MYO6: variants seen among roughly 807,000 people sequenced by gnomAD.
The protein encoded by MYO6 is myosin VI.
MYO6 carries 74 observed loss-of-function variants against 178.7 expected under a neutral mutation model. The observed-to-expected ratio is 0.41, with a 90% CI of 0.34 to 0.50. The LOEUF (loss-of-function observed/expected upper bound fraction) is 0.50. Ranked by LOEUF, MYO6 falls within the 20% of genes least tolerant of loss-of-function variation. The pLI is 0.09. For missense variants in MYO6, 1,330 were observed against 1,547.4 expected (o/e 0.86, Z 2.36); for synonymous variants, 477 against 504.6 (o/e 0.95, Z 0.73).
rs1403220260 is a variant in MYO6, at chr6:75,886,112, T to C, written c.2507+18T>C. ...AAACCTCGGTAAGATGAATAGTTCC[T>C]AAAAAGAACTCTACAAAACCTAGTT... On this transcript the variant is annotated intron_variant, in intron 24 of 34. Transcript: ENST00000369977. The C allele has an allele frequency of 6.5e-7, 1 of 1,531,496 alleles. No homozygotes were observed. Among genetic ancestry groups the C allele is most frequent in the Non-Finnish European group, 9.0e-7 (1 of 1,106,498 alleles). The allele number at this position is 1,531,496 out of a possible 1,614,324, so 94.9% of individuals were successfully genotyped here. A position where few individuals can be genotyped will look rare whatever the true frequency, so the allele number is the denominator to read the frequency against.
chr6:75,852,565 A>G lies in MYO6; in HGVS notation c.1079-2574A>G, dbSNP rs555129700. On this transcript the variant is annotated intron_variant, in intron 11 of 34. Coordinates refer to ENST00000369977, the MANE Select transcript of MYO6 (RefSeq NM_004999.4). ...TAATCTACTTCCTGTCTATAAATTT[A>G]TTCTGGACATTTCATATAAATGGAA... Among the ~76,000 whole-genome samples the G allele has an allele frequency of 1.1e-3, 175 of 152,278 alleles. 3 individuals are homozygous for G. The highest frequency in any genetic ancestry group is 1.2e-3 in the Non-Finnish European group (80 of 68,018).
intron 12 of MYO6, among the ~76,000 whole-genome samples, chr6:75,855,770 C>G (rs1329547152): frequency 6.6e-6 from 1 of 151,966 alleles, no homozygotes; most frequent in Non-Finnish European, 1.5e-5. Context: ...TAGATTGTAC[C>G]TGGATGTTTT....
At chr6:75,889,133 G>A (rs1251166858) in intron 25 of MYO6, among the ~76,000 whole-genome samples, 1 of 152,000 alleles carries the variant, frequency 6.6e-6, no homozygotes, top group African/African-American at 2.4e-5. Flanking sequence ...TGTAAACAAT[G>A]GCAATCTTGG....
At position 75,919,081 on chromosome 6, in the gene MYO6, T is replaced by G. The variant is rs1241538231; in HGVS notation, c.*4069T>G. On this transcript the variant is annotated 3_prime_UTR_variant, in exon 35 of 35. Coordinates refer to ENST00000369977, the MANE Select transcript of MYO6 (RefSeq NM_004999.4). ...TTGCAGGGAGCCGAGATGGCGCCATTGCACTCCATCCTGGGCAACAAGAGC... is the reference window on the plus strand; with the variant it reads ...TTGCAGGGAGCCGAGATGGCGCCATGGCACTCCATCCTGGGCAACAAGAGC... The G allele has an allele frequency of 6.6e-6, 1 of 152,114 alleles. No individual in the cohort carries two copies. Among genetic ancestry groups the G allele is most frequent in the Admixed American group, 6.6e-5 (1 of 15,264 alleles). The allele number at this position is 152,114 out of a possible 1,614,324, so 9.4% of individuals were successfully genotyped here. A position where few individuals can be genotyped will look rare whatever the true frequency, so the allele number is the denominator to read the frequency against.
chr6:75,758,972 C>T (rs1051480346), intron 1 of MYO6, among the ~76,000 whole-genome samples: 10 of 151,758 alleles, frequency 6.6e-5, no homozygotes, highest in Non-Finnish European at 8.8e-5. Flanking sequence ...CAGGTTCAAG[C>T]GATTCTAATG....
intron 19 of MYO6, 83 bp from the exon 20 acceptor site, chr6:75,873,124 C>A: frequency 9.5e-7 from 1 of 1,052,406 alleles, no homozygotes; most frequent in Non-Finnish European, 1.5e-6. Context: ...TGTTAATATG[C>A]TTTGAAAGTT....
chr6:75,913,809 GGTA>G (rs1236583747), intron 33 of MYO6, among the ~76,000 whole-genome samples: 1 of 152,084 alleles, frequency 6.6e-6, no homozygotes, highest in African/African-American at 2.4e-5. Context: ...GTTTGTTGCT[GGTA>G]GTGGTGGTGG....
Position 75,785,452 on chromosome 6 carries a change from T to A in MYO6, c.-47-32049T>A, listed in dbSNP as rs138280128. Reference sequence around the variant, plus strand: ...TGGATCCTAGTTTTTTGTTTTGTTTTGTTTTTTGGTCTTTTCTTTTCTTTT... The same window carrying A: ...TGGATCCTAGTTTTTTGTTTTGTTTAGTTTTTTGGTCTTTTCTTTTCTTTT... On this transcript the variant is annotated intron_variant, in intron 1 of 34. Transcript: ENST00000369977. Among the ~76,000 whole-genome samples, 105 of 150,214 alleles carry A rather than the reference T, an allele frequency of 7.0e-4. 1 individual carries two copies. Among genetic ancestry groups the A allele is most frequent in the African/African-American group, 2.5e-3 (100 of 40,298 alleles).
At chr6:75,803,423 G>A (rs1769686587) in intron 1 of MYO6, among the ~76,000 whole-genome samples, 1 of 152,032 alleles carries the variant, frequency 6.6e-6, no homozygotes, top group Non-Finnish European at 1.5e-5. Flanking sequence ...GTTATACTTG[G>A]AAGTCACTTT....
Position 75,916,131 on chromosome 6 carries a change from CTT to C in MYO6, c.*1121_*1122del, listed in dbSNP as rs1169183517. The C allele has an allele frequency of 6.6e-6, 1 of 152,036 alleles. No individual in the cohort carries two copies. The highest frequency in any genetic ancestry group is 1.9e-4 in the East Asian group (1 of 5,138). 9.4% of individuals were successfully genotyped at this position (152,036 alleles called of 1,614,324 possible). On this transcript the variant is annotated 3_prime_UTR_variant, in exon 35 of 35. Coordinates refer to ENST00000369977, the MANE Select transcript of MYO6 (RefSeq NM_004999.4). The stretch of plus-strand genomic sequence containing the variant: ...GCAGCTTTAAGCCTAATATTTATGA[CTT>C]TCACATTTGGAATTTAAAGACAAAA...
At position 75,899,712 on chromosome 6, in the gene MYO6, T is replaced by C. The variant is rs531484779; in HGVS notation, c.3176+1301T>C. Among the ~76,000 whole-genome samples the C allele has an allele frequency of 2.8e-4, 43 of 151,642 alleles. 1 individual carries two copies. Among genetic ancestry groups the C allele is most frequent in the Admixed American group, 1.8e-3 (28 of 15,232 alleles). On this transcript the variant is annotated intron_variant, in intron 30 of 34. Transcript: ENST00000369977. ...TGGCCACACATTATTCTTTTTTTTT[T>C]TTTTTCTTCTGGAACATTTTTTTAA...
At chr6:75,797,227 T>A (rs9360939) in intron 1 of MYO6, among the ~76,000 whole-genome samples, 19,832 of 152,154 alleles carry the variant, frequency 0.13, 1,362 homozygotes, top group Middle Eastern at 0.16. Flanking sequence ...GTAGCCGGGA[T>A]TACAGGCATG....
At chr6:75,797,321 G>A (rs1246468242) in intron 1 of MYO6, among the ~76,000 whole-genome samples, 1 of 152,122 alleles carries the variant, frequency 6.6e-6, no homozygotes, top group Admixed American at 6.5e-5. Flanking sequence ...TCGAACTCCC[G>A]ACCTCAAGTG....
chr6:75,809,878 C>T (rs1583155070), intron 1 of MYO6, among the ~76,000 whole-genome samples: 1 of 129,434 alleles, frequency 7.7e-6, no homozygotes, highest in African/African-American at 2.9e-5. Context: ...GTCTGGCTAA[C>T]ATGATGAAAC....
intron 19 of MYO6, among the ~76,000 whole-genome samples, chr6:75,872,674 A>G (rs1777246084): frequency 6.6e-6 from 1 of 152,374 alleles, no homozygotes; most frequent in East Asian, 1.9e-4. Flanking sequence ...CTCTTTTTAC[A>G]GTTTTTGACA....
At chr6:75,778,928 A>G (rs1226346204) in intron 1 of MYO6, among the ~76,000 whole-genome samples, 1 of 151,688 alleles carries the variant, frequency 6.6e-6, no homozygotes, top group Non-Finnish European at 1.5e-5. Flanking sequence ...ATGGTGGTGC[A>G]TGCCTGTAGT....
intron 10 of MYO6, among the ~76,000 whole-genome samples, chr6:75,847,867 C>A (rs1292178465): frequency 6.6e-6 from 1 of 151,336 alleles, no homozygotes; most frequent in Non-Finnish European, 1.5e-5. Context: ...TTTTAATTAA[C>A]AAGAATAATG....
chr6:75,903,109 C>T (rs1367253613), intron 30 of MYO6, among the ~76,000 whole-genome samples: 1 of 152,116 alleles, frequency 6.6e-6, no homozygotes, highest in African/African-American at 2.4e-5. Context: ...TATAATTTCT[C>T]TTCCTTTACA....
chr6:75,756,871 A>G (rs1456557378), intron 1 of MYO6, among the ~76,000 whole-genome samples: 1 of 141,678 alleles, frequency 7.1e-6, no homozygotes, highest in Non-Finnish European at 1.5e-5. Context: ...ATGTGGAAAG[A>G]GTACTTATGT....
Sources: gnomAD v4.1 joint callset for allele counts (sites outside exome capture counted in the v4.1 genomes callset) on GRCh38, gnomAD v4.1.1 for gene constraint, MANE v1.5 for transcripts, NCBI Gene and HGNC (gene_info 2026-07-23, HGNC 2026-07-21) for gene names.